ITGA4: variants seen among roughly 807,000 people sequenced by gnomAD.
ITGA4 encodes the protein integrin subunit alpha 4.
In ITGA4, 63 loss-of-function variants were observed where a neutral mutation model predicts 133.6. That is an observed-to-expected ratio of 0.47 (90% confidence interval 0.38 to 0.58). The LOEUF (loss-of-function observed/expected upper bound fraction) is 0.58. ITGA4 is among the 20% of genes least tolerant of loss of function. The pLI, the probability that ITGA4 is intolerant of heterozygous loss-of-function variation, is 0.00. For synonymous variants in ITGA4, 483 were observed against 438.0 expected, an observed-to-expected ratio of 1.10 and a Z score of -1.28; for missense variants, 1,076 against 1,252.7, an observed-to-expected ratio of 0.86 and a Z score of 2.13.
intron 15 of ITGA4, among the ~76,000 whole-genome samples, chr2:181,502,480 G>A (rs762786009): frequency 5.9e-5 from 9 of 151,950 alleles, no homozygotes; most frequent in Non-Finnish European, 1.2e-4. Context: ...AATTCTTGAA[G>A]GCAAAAAGGG....
chr2:181,476,626 G>T lies in ITGA4; in HGVS notation c.556+1338G>T, dbSNP rs562485702. 3.9e-5 allele frequency among the ~76,000 whole-genome samples: 6 copies of T among 152,188 alleles called. No individual in the cohort carries two copies. The East Asian group carries it at 1.2e-3, about 29-fold the overall frequency. ...AGACCTTTATGTCCATGCAGATCTT[G>T]ATTCAGTCTATATTTCAGTTGGGCA... On this transcript the variant is annotated intron_variant, in intron 4 of 27. Transcript: ENST00000397033.
At chr2:181,507,756 T>A (rs983667839) in intron 15 of ITGA4, among the ~76,000 whole-genome samples, 1 of 152,100 alleles carries the variant, frequency 6.6e-6, no homozygotes, top group East Asian at 1.9e-4. Flanking sequence ...TAGGGAATAA[T>A]GACAAGAAAA....
At chr2:181,502,782 T>C (rs1322591046) in intron 15 of ITGA4, among the ~76,000 whole-genome samples, 1 of 152,030 alleles carries the variant, frequency 6.6e-6, no homozygotes, top group Non-Finnish European at 1.5e-5. Flanking sequence ...GCACTTATTG[T>C]CATAAACTGA....
chr2:181,527,068 T>C (rs376210821), intron 21 of ITGA4, among the ~76,000 whole-genome samples: 97 of 151,878 alleles, frequency 6.4e-4, no homozygotes, highest in African/African-American at 2.1e-3. Context: ...ACTCCTGACC[T>C]CAGGTGATGC....
At chr2:181,532,710 C>T (rs2105773388) in intron 25 of ITGA4, among the ~76,000 whole-genome samples, 1 of 152,306 alleles carries the variant, frequency 6.6e-6, no homozygotes, top group East Asian at 1.9e-4. Context: ...GACTTCCTCT[C>T]TTCCTATTTG....
chr2:181,505,118 C>G (rs965963335), intron 15 of ITGA4, among the ~76,000 whole-genome samples: 1 of 145,362 alleles, frequency 6.9e-6, no homozygotes, highest in Non-Finnish European at 1.5e-5. Flanking sequence ...CCTACTTCTT[C>G]TGTATTTAGA....
chr2:181,463,409 G>A (rs1438587015), intron 2 of ITGA4, among the ~76,000 whole-genome samples: 1 of 152,126 alleles, frequency 6.6e-6, no homozygotes, highest in Non-Finnish European at 1.5e-5. Flanking sequence ...AAGGCAATGA[G>A]GCAGTTGTAG....
At chr2:181,498,253 T>A (rs962830442) in intron 14 of ITGA4, 2 of 153,656 alleles carry the variant, frequency 1.3e-5, no homozygotes, top group Non-Finnish European at 2.9e-5. Flanking sequence ...AGCAAAGTGC[T>A]GTGTCTATAC....
chr2:181,538,191 G>A lies in ITGA4; in HGVS notation c.*2664G>A, dbSNP rs763552735. The A allele has an allele frequency of 1.8e-5, 28 of 1,569,168 alleles. No individual in the cohort carries two copies. Among genetic ancestry groups the A allele is most frequent in the East Asian group, 2.2e-5 (1 of 44,604 alleles). On this transcript the variant is annotated 3_prime_UTR_variant, in exon 28 of 28. Coordinates refer to ENST00000397033, the MANE Select transcript of ITGA4 (RefSeq NM_000885.6). The stretch of plus-strand genomic sequence containing the variant: ...TTTAGAAACAATTACATGTTACTTT[G>A]GAATCATTTCTTCCATGCTTCCTCC...
chr2:181,475,351 A>C (rs1455014514), intron 4 of ITGA4, 63 bp downstream of exon 4: 8 of 1,313,442 alleles, frequency 6.1e-6, no homozygotes, highest in Non-Finnish European at 8.7e-6. Context: ...TTAGTGTTTT[A>C]AATTTATGTT....
Position 181,537,122 on chromosome 2 carries a change from T to TTTAAAAAAC in ITGA4, c.*1598_*1606dup, listed in dbSNP as rs1687164397. On this transcript the variant is annotated 3_prime_UTR_variant, in exon 28 of 28. Transcript: ENST00000397033. ...ATAAACTTTATGACATTTATGTATTTTTAAAAAACTTTGTATCGTTATAAA... is the reference window on the plus strand; with the variant it reads ...ATAAACTTTATGACATTTATGTATTTTTAAAAAACTTAAAAAACTTTGTATCGTTATAAA... 4.4e-6 allele frequency: 2 copies of TTTAAAAAAC among 453,002 alleles called. No homozygotes were observed. Among genetic ancestry groups the TTTAAAAAAC allele is most frequent in the Admixed American group, 4.7e-5 (2 of 42,350 alleles). The allele number at this position is 453,002 out of a possible 1,614,324, so 28.1% of individuals were successfully genotyped here.
intron 4 of ITGA4, chr2:181,475,930 C>A (rs116838290): frequency 0.017 from 24,840 of 1,483,646 alleles, 238 homozygotes; most frequent in Non-Finnish European, 0.021. Context: ...TCCAACAATG[C>A]GTCTTTAGGA....
intron 15 of ITGA4, among the ~76,000 whole-genome samples, chr2:181,503,775 A>G (rs1574400891): frequency 1.3e-5 from 2 of 151,920 alleles, no homozygotes; most frequent in African/African-American, 4.8e-5. Flanking sequence ...TCTATTAGAC[A>G]TTGCTTTTTC....
chr2:181,494,923 T>A, intron 12 of ITGA4, 111 bp downstream of exon 12: 2 of 649,684 alleles, frequency 3.1e-6, no homozygotes, highest in Non-Finnish European at 5.4e-6. Context: ...TACTGATAAT[T>A]TTTTTTCTTC....
chr2:181,458,795 A>C (rs1685198343), intron 2 of ITGA4: 2 of 157,210 alleles, frequency 1.3e-5, no homozygotes, highest in Non-Finnish European at 2.8e-5. Flanking sequence ...AAAAAGTGAT[A>C]GTTTTACTTA....
At chr2:181,505,434 G>A (rs1328814058) in intron 15 of ITGA4, among the ~76,000 whole-genome samples, 1 of 151,998 alleles carries the variant, frequency 6.6e-6, no homozygotes, top group Non-Finnish European at 1.5e-5. Flanking sequence ...TTTCAGGCAT[G>A]TGCTAATTTG....
rs1686134742 is a variant in ITGA4 at position 181,495,283 on chromosome 2, G to A, written c.1340-88G>A. 1.1e-6 allele frequency: 1 copy of A among 912,186 alleles called. No individual in the cohort carries two copies. 56.5% of individuals were successfully genotyped at this position (912,186 alleles called of 1,614,324 possible). On this transcript the variant is annotated intron_variant, in intron 12 of 27. Transcript: ENST00000397033. This position sits in a 1 kb window ranked among gnomAD's most constrained non-coding sequence, Gnocchi z 4.3. The stretch of plus-strand genomic sequence containing the variant: ...ATAAATAGTGTTTTAGGTAGTCAAA[G>A]GTGATACGTAGTTAAGTATTTATGG...
intron 17 of ITGA4, 59 bp from the exon 18 acceptor site, chr2:181,522,132 T>C: frequency 1.9e-6 from 2 of 1,069,884 alleles, no homozygotes; most frequent in Admixed American, 2.1e-5. Flanking sequence ...TGTATGCATA[T>C]AAGAGAGAGG....
rs569045398 is a variant in ITGA4, at chr2:181,469,496, AG to A, written c.320-5463del. On this transcript the variant is annotated intron_variant, in intron 2 of 27. Transcript: ENST00000397033. Reference sequence around the variant, plus strand: ...TGTAAACTAGTTCAACCATTGTGGAAGACAGTGTGGCGATTCCTCAAGGATC... The same window carrying A: ...TGTAAACTAGTTCAACCATTGTGGAAACAGTGTGGCGATTCCTCAAGGATC... Among the ~76,000 whole-genome samples, 145 of 152,320 alleles carry A rather than the reference AG, an allele frequency of 9.5e-4. 1 individual carries two copies. Among genetic ancestry groups the A allele is most frequent in the African/African-American group, 3.3e-3 (136 of 41,574 alleles).
Sources: gnomAD v4.1 joint callset for allele counts (sites outside exome capture counted in the v4.1 genomes callset) on GRCh38, gnomAD v4.1.1 for gene constraint, Gnocchi (gnomAD v3.1) non-coding constraint, MANE v1.5 for transcripts, NCBI Gene and HGNC (gene_info 2026-07-23, HGNC 2026-07-21) for gene names.